Variants in GATB observed in about 807,000 individuals in gnomAD.
GATB encodes glutamyl-tRNA amidotransferase subunit B.
A neutral mutation model predicts 62.3 loss-of-function variants in GATB; 39 were observed. The observed-to-expected ratio is 0.63, with a 90% confidence interval of 0.48 to 0.82. The LOEUF (loss-of-function observed/expected upper bound fraction) is 0.82. GATB is among the 40% of genes least tolerant of loss of function. The pLI is 0.00. For missense variants in GATB, 670 were observed against 684.0 expected (o/e 0.98, Z 0.23); for synonymous variants, 276 against 258.9 (o/e 1.07, Z -0.63).
chr4:151,723,535 A>C (rs2126981651), intron 2 of GATB: 1 of 152,318 alleles, frequency 6.6e-6, no homozygotes, highest in Middle Eastern at 3.4e-3. Context: ...GCTATTTCTA[A>C]TGTGTTTCTT....
At chr4:151,688,925 C>T (rs1738308228) in intron 9 of GATB, among the ~76,000 whole-genome samples, 162 bp from the exon 10 acceptor site, 1 of 152,196 alleles carries the variant, frequency 6.6e-6, no homozygotes, top group Non-Finnish European at 1.5e-5. Context: ...TCACTTTCAG[C>T]TAATGACAAC....
At chr4:151,733,813 G>A (rs1739316214) in intron 2 of GATB, among the ~76,000 whole-genome samples, 1 of 152,102 alleles carries the variant, frequency 6.6e-6, no homozygotes, top group Admixed American at 6.5e-5. Flanking sequence ...TTCAATAAAT[G>A]GGATACACCA....
intron 2 of GATB, among the ~76,000 whole-genome samples, chr4:151,731,665 G>A (rs185288573): frequency 0.013 from 1,983 of 152,172 alleles, 40 homozygotes; most frequent in African/African-American, 0.045. Flanking sequence ...CGTCTAGGAA[G>A]TGAGGAGCGT....
At chr4:151,758,204 C>T (rs1330211576) in intron 2 of GATB, among the ~76,000 whole-genome samples, 1 of 152,112 alleles carries the variant, frequency 6.6e-6, no homozygotes, top group Non-Finnish European at 1.5e-5. Context: ...ATGTAATATA[C>T]ACTGCTTGCT....
At chr4:151,688,825 T>G in intron 9 of GATB, 62 bp from the exon 10 acceptor site, 1 of 1,508,944 alleles carries the variant, frequency 6.6e-7, no homozygotes, top group Non-Finnish European at 8.8e-7. Context: ...ATCAGCATTC[T>G]GAAGGCAAAT....
In GATB at chr4:151,700,002, G is replaced by A. The variant is rs142329073; in HGVS notation, c.1197+1327C>T. Among the ~76,000 whole-genome samples, 3 of 152,290 alleles carry A rather than the reference G, an allele frequency of 2.0e-5. No individual in the cohort carries two copies. The East Asian group carries it at 5.8e-4, about 29-fold the overall frequency. Reference sequence around the variant, plus strand: ...GTAATTTCACAAATAGTAATAAAAGGTAGGGCTAGAATTCAGTGTTTATTT... The same window carrying A: ...GTAATTTCACAAATAGTAATAAAAGATAGGGCTAGAATTCAGTGTTTATTT... On this transcript the variant is annotated intron_variant, in intron 9 of 12. Coordinates refer to ENST00000263985, the MANE Select transcript of GATB (RefSeq NM_004564.3).
intron 11 of GATB, chr4:151,673,596 A>C (rs1452332805): frequency 1.3e-5 from 2 of 152,218 alleles, no homozygotes; most frequent in Non-Finnish European, 2.9e-5. Context: ...TCAGACTAGG[A>C]TAATGAACGC....
chr4:151,708,873 G>T lies in GATB; in HGVS notation c.764-772C>A, dbSNP rs897170804. Among the ~76,000 whole-genome samples, 8 of 152,234 alleles carry T rather than the reference G, an allele frequency of 5.3e-5. No homozygotes were observed. The East Asian group carries it at 1.2e-3, about 22-fold the overall frequency. ...GCCCTAAAGAAGCAGGCAATGTGTG[G>T]GGAGGACTAAAAGGCTCTTGAGGAA... On this transcript the variant is annotated intron_variant, in intron 5 of 12. Coordinates refer to ENST00000263985, the MANE Select transcript of GATB (RefSeq NM_004564.3).
At chr4:151,693,442 C>A (rs143175437) in intron 9 of GATB, among the ~76,000 whole-genome samples, 131 of 152,220 alleles carry the variant, frequency 8.6e-4, no homozygotes, top group African/African-American at 3.1e-3. Flanking sequence ...AGAGAGGCCT[C>A]GTCAGTGGAG....
intron 8 of GATB, among the ~76,000 whole-genome samples, chr4:151,701,778 T>C (rs1310942953): frequency 6.6e-6 from 1 of 152,230 alleles, no homozygotes; most frequent in Non-Finnish European, 1.5e-5. Flanking sequence ...CACTGGGATT[T>C]GTAACTGTGG....
Position 151,701,514 on chromosome 4 carries a change from T to C in GATB, c.1012A>G (p.Met338Val). The C allele has an allele frequency of 6.5e-7, 1 of 1,545,822 alleles. No individual in the cohort carries two copies. Among genetic ancestry groups the C allele is most frequent in the Non-Finnish European group, 8.8e-7 (1 of 1,142,578 alleles). The part of the protein sequence containing the change: ...DKEGKQDYRF[M>V]PEPNLPPLVL... ...AGGGGAGGCAGGTTGGGTTCTGGCATGAACCTGGGCAGACAGAGGAGACGG... is the reference window on the plus strand; with the variant it reads ...AGGGGAGGCAGGTTGGGTTCTGGCACGAACCTGGGCAGACAGAGGAGACGG... Residue 338 changes from methionine (M) to valine (V), a missense_variant, in exon 9 of 13, where the codon ATG becomes GTG. Transcript: ENST00000263985.
intron 9 of GATB, among the ~76,000 whole-genome samples, chr4:151,693,651 G>A (rs914364252): frequency 6.6e-6 from 1 of 152,170 alleles, no homozygotes. Context: ...TAGGGGTCCA[G>A]GGTCCTGTTT....
At chr4:151,757,765 C>T (rs1578945917) in intron 2 of GATB, among the ~76,000 whole-genome samples, 1 of 152,132 alleles carries the variant, frequency 6.6e-6, no homozygotes, top group African/African-American at 2.4e-5. Context: ...GCGTGAGCCA[C>T]CGCGCCCGGC....
At chr4:151,695,680 G>A (rs1333967203) in intron 9 of GATB, among the ~76,000 whole-genome samples, 3 of 152,114 alleles carry the variant, frequency 2.0e-5, no homozygotes, top group Non-Finnish European at 4.4e-5. Flanking sequence ...AGTCTTGAAG[G>A]ACAGGAGGCA....
At chr4:151,739,526 AAC>A (rs1454693782) in intron 2 of GATB, among the ~76,000 whole-genome samples, 1 of 152,218 alleles carries the variant, frequency 6.6e-6, no homozygotes, top group Admixed American at 6.5e-5. Flanking sequence ...TGAAGCCGCA[AAC>A]ACACATAAAA....
chr4:151,731,951 G>C (rs1646192695), intron 2 of GATB, among the ~76,000 whole-genome samples: 1 of 103,884 alleles, frequency 9.6e-6, no homozygotes, highest in South Asian at 2.5e-4. Flanking sequence ...GCCCCGTCCG[G>C]GAGGGAAGTG....
intron 2 of GATB, among the ~76,000 whole-genome samples, chr4:151,752,842 T>A (rs1415825609): frequency 1.3e-5 from 2 of 152,198 alleles, no homozygotes; most frequent in Admixed American, 6.5e-5. Context: ...TATTTTAAAG[T>A]AAGATACTAA....
rs1739214445 is a variant in GATB, at chr4:151,730,126, G to T, written c.328-10588C>A. ...GACTGGCCCTTTGGTTTGTGTGGGA[G>T]CTGGGTGAGGCCTGTGACTGCCAGC... On this transcript the variant is annotated intron_variant, in intron 2 of 12. Transcript: ENST00000263985. This position sits in a 1 kb window ranked among gnomAD's most constrained non-coding sequence, Gnocchi z 4.1. 6.6e-6 allele frequency among the ~76,000 whole-genome samples: 1 copy of T among 152,164 alleles called. No homozygotes were observed. The highest frequency in any genetic ancestry group is 1.5e-5 in the Non-Finnish European group (1 of 68,040).
chr4:151,727,507 C>G (rs1363095653), intron 2 of GATB, among the ~76,000 whole-genome samples: 1 of 152,208 alleles, frequency 6.6e-6, no homozygotes. Flanking sequence ...AAAGACAAGA[C>G]TGGGTGTGTA....
Sources: gnomAD v4.1 joint callset for allele counts (sites outside exome capture counted in the v4.1 genomes callset) on GRCh38, gnomAD v4.1.1 for gene constraint, Gnocchi (gnomAD v3.1) non-coding constraint, MANE v1.5 for transcripts, NCBI Gene and HGNC (gene_info 2026-07-23, HGNC 2026-07-21) for gene names.